POTEF: variants seen among roughly 807,000 people sequenced by gnomAD.
POTEF encodes POTE ankyrin domain family member F.
Under a neutral mutation model 83.2 loss-of-function variants are expected in POTEF, and 20 were observed. The observed-to-expected ratio is 0.24, with a 90% confidence interval of 0.17 to 0.35. POTEF has a LOEUF of 0.35. Ranked by LOEUF, POTEF falls within the 10% of genes least tolerant of loss-of-function variation. The probability of loss-of-function intolerance (pLI) is 1.00; values close to 1 mark genes in which losing one functional copy is unlikely to be tolerated. For missense variants in POTEF, 550 were observed against 1,203.2 expected (o/e 0.46, Z 8.03); for synonymous variants, 196 against 446.4 (o/e 0.44, Z 7.07).
intron 2 of POTEF, among the ~76,000 whole-genome samples, chr2:130,123,331 C>T (rs1685033798): frequency 2.0e-5 from 3 of 151,172 alleles, no homozygotes; most frequent in Non-Finnish European, 4.4e-5. Context: ...ATCATTGGGT[C>T]TAGCCAAGAG....
chr2:130,104,043 C>T (rs1240356758), intron 8 of POTEF, among the ~76,000 whole-genome samples: 1 of 147,294 alleles, frequency 6.8e-6, no homozygotes, highest in East Asian at 2.0e-4. Flanking sequence ...ATATAGATCA[C>T]TTTAAATGCC....
intron 7 of POTEF, 62 bp from the exon 8 acceptor site, chr2:130,108,141 A>C (rs1684595246): frequency 1.3e-6 from 2 of 1,513,156 alleles, no homozygotes; most frequent in Admixed American, 2.1e-5. Context: ...AAAACTTACC[A>C]AATGTAGAAT....
chr2:130,127,177 T>G (rs2104714521), intron 2 of POTEF, among the ~76,000 whole-genome samples: 1 of 150,836 alleles, frequency 6.6e-6, no homozygotes, highest in Non-Finnish European at 1.5e-5. Context: ...AAAATAAAAT[T>G]GGCTGGGCGT....
At chr2:130,101,366 A>C (rs1223796258) in intron 9 of POTEF, among the ~76,000 whole-genome samples, 1 of 147,932 alleles carries the variant, frequency 6.8e-6, no homozygotes, top group Admixed American at 6.6e-5. Flanking sequence ...ATTACAGTGG[A>C]TAAAGATTTT....
At chr2:130,118,452 T>C (rs1684901338) in intron 3 of POTEF, among the ~76,000 whole-genome samples, 2 of 151,954 alleles carry the variant, frequency 1.3e-5, no homozygotes, top group Non-Finnish European at 2.9e-5. Context: ...ACCCCAGCAC[T>C]TGGGGAGGCC....
chr2:130,075,082 G>A lies in POTEF; in HGVS notation c.2390C>T (p.Ala797Val), dbSNP rs750489104. 1 of 1,613,820 alleles carries A rather than the reference G, an allele frequency of 6.2e-7. No homozygotes were observed. ...CAGCAGGACGGGGTGCTCCTCGGGA[G>A]CCACACGCAGCTCGTTGTAGAAGGT... ...HHTFYNELRVAPEEHPVLLTE... is the reference protein window; with the variant it reads ...HHTFYNELRVVPEEHPVLLTE... Residue 797 changes from alanine to valine, a missense_variant, in exon 17 of 17, where the codon GCT becomes GTT. Physicochemically the swap from Ala to Val is moderately conservative, Grantham distance 64. Coordinates refer to ENST00000409914, the MANE Select transcript of POTEF (RefSeq NM_001099771.2).
intron 3 of POTEF, 88 bp from the exon 4 acceptor site, chr2:130,115,416 CCTG>C (rs1450721679): frequency 1.9e-5 from 24 of 1,270,094 alleles, no homozygotes; most frequent in Non-Finnish European, 2.5e-5. Context: ...CACTGAATAG[CCTG>C]CTATTACTCT....
intron 6 of POTEF, among the ~76,000 whole-genome samples, chr2:130,111,536 T>C (rs1327742134): frequency 1.3e-5 from 2 of 151,670 alleles, no homozygotes; most frequent in Non-Finnish European, 2.9e-5. Context: ...CTAATATTCT[T>C]CAAAGAAAGC....
chr2:130,121,267 G>C (rs1684997995), intron 2 of POTEF, among the ~76,000 whole-genome samples: 1 of 148,878 alleles, frequency 6.7e-6, no homozygotes, highest in African/African-American at 2.5e-5. Context: ...AACTTCGTGG[G>C]AGTCAGCTGA....
At chr2:130,101,207 A>G (rs1684363421) in intron 9 of POTEF, among the ~76,000 whole-genome samples, 1 of 146,536 alleles carries the variant, frequency 6.8e-6, no homozygotes, top group Non-Finnish European at 1.5e-5. Flanking sequence ...TGTAGGCACC[A>G]TTTAAATTAT....
Position 130,120,230 on chromosome 2 carries a change from T to C in POTEF, c.286A>G (p.Asn96Asp). 6.3e-7 allele frequency: 1 copy of C among 1,598,190 alleles called. No individual in the cohort carries two copies. Residue 96 changes from asparagine to aspartate, a missense_variant, in exon 3 of 17, where the codon AAC (asparagine) becomes GAC (aspartate). Asn to Asp is a conservative substitution (Grantham distance 23). Coordinates refer to ENST00000409914, the MANE Select transcript of POTEF (RefSeq NM_001099771.2). ...TGGCAGCACCACTTGCCCATCTTGT[T>C]CCTGAGTGTCTTCATAGCAGAGTCG... The part of the protein sequence containing the change: ...HDDSAMKTLR[N>D]KMGKWCCHCF...
At chr2:130,116,991 T>C (rs943616452) in intron 3 of POTEF, among the ~76,000 whole-genome samples, 5 of 144,058 alleles carry the variant, frequency 3.5e-5, no homozygotes, top group South Asian at 4.4e-4. Flanking sequence ...TGCCACATAA[T>C]AGGTGTCTGG....
In POTEF at chr2:130,075,183, G is replaced by A. The variant is rs370501472; in HGVS notation, c.2289C>T (p.Gly763=). Residue 763 remains glycine, a synonymous_variant, in exon 17 of 17, where the codon GGC becomes GGT. Coordinates refer to ENST00000409914, the MANE Select transcript of POTEF (RefSeq NM_001099771.2). ...YVGKEAQSKR[G]ILTLKYPMEH... is the part of the protein sequence containing the mutation. The stretch of plus-strand genomic sequence containing the variant: ...CCATGGGGTACTTCAGGGTCAGGAT[G>A]CCTCTTTTGCTCTGGGCCTCCTTGC... 1.9e-5 allele frequency: 31 copies of A among 1,613,006 alleles called. No individual in the cohort carries two copies. The highest frequency in any genetic ancestry group is 8.9e-5 in the East Asian group (4 of 44,826).
At chr2:130,083,439 A>G (rs1314194622) in intron 15 of POTEF, among the ~76,000 whole-genome samples, 8 of 148,524 alleles carry the variant, frequency 5.4e-5, no homozygotes, top group African/African-American at 7.5e-5. Flanking sequence ...AGACCATGAT[A>G]AACGGACTAG....
rs1450727782 is a variant in POTEF, at chr2:130,119,714, T to A, written c.521+281A>T. Among the ~76,000 whole-genome samples, 10 of 150,048 alleles carry A rather than the reference T, an allele frequency of 6.7e-5. 2 individuals are homozygous for A. Among genetic ancestry groups the A allele is most frequent in the African/African-American group, 2.5e-4 (10 of 40,516 alleles). On this transcript the variant is annotated intron_variant, in intron 3 of 16. Transcript: ENST00000409914. ...TGTTTTAAAATCTGTAGATTAAAAA[T>A]AATCTGCTGCATTGACTTAATTAAT...
intron 12 of POTEF, among the ~76,000 whole-genome samples, chr2:130,091,284 AAC>A: frequency 8.8e-6 from 1 of 113,408 alleles, no homozygotes; most frequent in African/African-American, 3.6e-5. Flanking sequence ...TGGCAGAAAA[AAC>A]ATAAGTCTAT....
intron 12 of POTEF, among the ~76,000 whole-genome samples, chr2:130,090,715 A>C (rs1330907024): frequency 0.015 from 2,152 of 144,882 alleles, 18 homozygotes; most frequent in African/African-American, 0.048. Flanking sequence ...CAGGAAAAAA[A>C]ATTAAGCAAA....
chr2:130,109,007 C>A (rs992970284), intron 7 of POTEF, among the ~76,000 whole-genome samples: 3 of 151,096 alleles, frequency 2.0e-5, no homozygotes, highest in Non-Finnish European at 4.4e-5. Context: ...CTGTAATTTT[C>A]GACATACATA....
At chr2:130,114,393 A>C (rs939485619) in intron 5 of POTEF, among the ~76,000 whole-genome samples, 1 of 147,016 alleles carries the variant, frequency 6.8e-6, no homozygotes, top group Non-Finnish European at 1.5e-5. Context: ...TTTGCTTTCC[A>C]CTTCTGGCTC....
Sources: allele counts gnomAD v4.1 joint callset (sites outside exome capture counted in the v4.1 genomes callset), GRCh38; gene constraint gnomAD v4.1.1; transcripts MANE v1.5; gene names NCBI Gene and HGNC (gene_info 2026-07-23, HGNC 2026-07-21).